ZNF492: variants seen among roughly 807,000 people sequenced by gnomAD.
ZNF492 encodes zinc finger protein 492, also known as zinc finger protein 115 (Y20).
A neutral mutation model predicts 6.4 loss-of-function variants in ZNF492; 3 were observed. That is an observed-to-expected ratio of 0.47 (90% CI 0.21 to 1.22). The LOEUF (loss-of-function observed/expected upper bound fraction) is 1.22. Among genes scored for constraint, ZNF492 ranks in the 50% most tolerant of loss-of-function variants. The probability of loss-of-function intolerance (pLI) is 0.22; values close to 1 mark genes in which losing one functional copy is unlikely to be tolerated. For synonymous variants in ZNF492, 112 were observed against 205.3 expected (o/e 0.55, Z 3.89); for missense variants, 356 against 612.5 (o/e 0.58, Z 4.42).
chr19:22,638,837 C>CT (rs370846531), intron 1 of ZNF492, among the ~76,000 whole-genome samples: 3 of 151,796 alleles, frequency 2.0e-5, no homozygotes, highest in South Asian at 2.1e-4. Context: ...TAATATTGAT[C>CT]TTTTTTTGTT....
At chr19:22,636,557 CGTGT>C (rs1971767510) in intron 1 of ZNF492, among the ~76,000 whole-genome samples, 1 of 120,984 alleles carries the variant, frequency 8.3e-6, no homozygotes, top group African/African-American at 3.1e-5. Context: ...TGTGTGTGTG[CGTGT>C]GTGTATGTGT....
intron 3 of ZNF492, among the ~76,000 whole-genome samples, chr19:22,655,413 TAAATTTGTTCTCAG>T (rs1257270937): frequency 9.2e-5 from 14 of 152,204 alleles, no homozygotes; most frequent in African/African-American, 3.1e-4. Flanking sequence ...GCTCCTTGGT[TAAATTTGTTCTCAG>T]AAATTTATTA....
chr19:22,666,274 T>G lies in ZNF492; in HGVS notation c.*1009T>G, dbSNP rs544725221. On this transcript the variant is annotated 3_prime_UTR_variant, in exon 4 of 4. Coordinates refer to ENST00000456783, the MANE Select transcript of ZNF492 (RefSeq NM_020855.3). ...GGCACGATCTCAGCTCACTGCAACC[T>G]CCGTCTCCAGGGTTCAAGTGATTCT... The G allele has an allele frequency of 5.0e-4, 75 of 148,548 alleles. No homozygotes were observed. Among genetic ancestry groups the G allele is most frequent in the African/African-American group, 1.9e-3 (75 of 40,504 alleles). The allele number at this position is 148,548 out of a possible 1,614,324, so 9.2% of individuals were successfully genotyped here. A position where few individuals can be genotyped will look rare whatever the true frequency, so the allele number is the denominator to read the frequency against.
In ZNF492 at chr19:22,664,898, C is replaced by A. The variant is rs1391741842; in HGVS notation, c.1229C>A (p.Thr410Lys). 1 of 1,609,874 alleles carries A rather than the reference C, an allele frequency of 6.2e-7. No homozygotes were observed. Among genetic ancestry groups the A allele is most frequent in the South Asian group, 1.1e-5 (1 of 90,874 alleles). The change falls in exon 4 of 4, where the codon ACA becomes AAA. Residue 410 changes from threonine to lysine, a missense_variant. Thr to Lys is a moderately conservative substitution (Grantham distance 78). This residue lies in a region of ZNF492 where 21 missense variants were observed against 55.3 expected (regional missense o/e 0.38). Transcript: ENST00000456783. Reference sequence around the variant, plus strand: ...TTTAACCTATCGTCACAACTTACTACACATAAGATAATTCATACTGGAGAG... The same window carrying A: ...TTTAACCTATCGTCACAACTTACTAAACATAAGATAATTCATACTGGAGAG... ...KAFNLSSQLTTHKIIHTGEKP... is the reference protein window; with the variant it reads ...KAFNLSSQLTKHKIIHTGEKP...
At chr19:22,655,294 C>CAAA (rs35079347) in intron 3 of ZNF492, among the ~76,000 whole-genome samples, 77 of 138,652 alleles carry the variant, frequency 5.6e-4, no homozygotes, top group African/African-American at 1.9e-3. Context: ...AACTCCATCT[C>CAAA]AAAAAAAAAA....
At chr19:22,650,592 A>T (rs1971929749) in intron 1 of ZNF492, among the ~76,000 whole-genome samples, 1 of 151,986 alleles carries the variant, frequency 6.6e-6, no homozygotes, top group African/African-American at 2.4e-5. Context: ...GGGAGATCAG[A>T]GTTCTGTCCC....
intron 1 of ZNF492, among the ~76,000 whole-genome samples, chr19:22,635,924 A>G (rs1374596670): frequency 5.9e-5 from 9 of 152,140 alleles, no homozygotes; most frequent in Admixed American, 2.0e-4. Context: ...TACAGCTAAA[A>G]TTGTGTCATG....
intron 3 of ZNF492, among the ~76,000 whole-genome samples, chr19:22,662,029 G>GC (rs1376097617): frequency 2.0e-5 from 3 of 152,048 alleles, no homozygotes; most frequent in Non-Finnish European, 4.4e-5. Context: ...TGCCCAGCGT[G>GC]CAGTTATATT....
chr19:22,650,912 C>A (rs1599398393), intron 1 of ZNF492, among the ~76,000 whole-genome samples: 1 of 152,128 alleles, frequency 6.6e-6, no homozygotes, highest in South Asian at 2.1e-4. Context: ...GCTTAAACAG[C>A]AGGCAGCCAT....
chr19:22,658,558 A>G (rs1972021471), intron 3 of ZNF492, among the ~76,000 whole-genome samples: 1 of 141,976 alleles, frequency 7.0e-6, no homozygotes, highest in South Asian at 2.2e-4. Flanking sequence ...TCTGTTTCTA[A>G]GAGTATAACT....
chr19:22,655,479 T>C (rs1971984933), intron 3 of ZNF492, among the ~76,000 whole-genome samples: 1 of 152,088 alleles, frequency 6.6e-6, no homozygotes, highest in East Asian at 1.9e-4. Context: ...TGTCTCTTTT[T>C]TGTCAGATAG....
Position 22,653,620 on chromosome 19 carries a change from C to CTGA in ZNF492, c.34+189_34+191dup, listed in dbSNP as rs200549023. On this transcript the variant is annotated intron_variant, in intron 2 of 3. Transcript: ENST00000456783. ...GACCTGAACTTTCCACACTCCTGAGCTGATCTGTGTTCTTCACTCTAGATT... is the reference window on the plus strand; with the variant it reads ...GACCTGAACTTTCCACACTCCTGAGCTGATGATCTGTGTTCTTCACTCTAGATT... Among the ~76,000 whole-genome samples, 221 of 152,092 alleles carry CTGA rather than the reference C, an allele frequency of 1.5e-3. 1 individual carries two copies. The East Asian group carries it at 0.035, about 24-fold the overall frequency.
chr19:22,644,038 T>G (rs2145246392), intron 1 of ZNF492, among the ~76,000 whole-genome samples: 1 of 151,480 alleles, frequency 6.6e-6, no homozygotes, highest in African/African-American at 2.4e-5. Context: ...ATCTCTTCTG[T>G]TATAAAGTAC....
At chr19:22,656,934 A>C (rs1223079530) in intron 3 of ZNF492, among the ~76,000 whole-genome samples, 1 of 152,042 alleles carries the variant, frequency 6.6e-6, no homozygotes, top group Admixed American at 6.6e-5. Flanking sequence ...TTCTCATTAC[A>C]GGTTTGAGTC....
chr19:22,652,830 T>C (rs1971955380), intron 1 of ZNF492, among the ~76,000 whole-genome samples: 1 of 152,112 alleles, frequency 6.6e-6, no homozygotes, highest in Admixed American at 6.6e-5. Flanking sequence ...CCACCCGCCT[T>C]AGCCTCCCAA....
intron 1 of ZNF492, among the ~76,000 whole-genome samples, chr19:22,651,142 TG>T (rs1205552053): frequency 6.6e-6 from 1 of 151,974 alleles, no homozygotes; most frequent in Non-Finnish European, 1.5e-5. Flanking sequence ...CTCCCTTGGC[TG>T]GGGGGTGGGG....
At chr19:22,634,622 C>T (rs1372295916) in intron 1 of ZNF492, 148 bp downstream of exon 1, 3 of 909,174 alleles carry the variant, frequency 3.3e-6, no homozygotes, top group Non-Finnish European at 5.0e-6. Flanking sequence ...CCTCAGTCCC[C>T]TTCAGCCATC....
chr19:22,640,287 C>G lies in ZNF492; in HGVS notation c.-94+5813C>G, dbSNP rs763503284. ...AAGCAATTCTCCTGCCTTAGCCTCCCAAGCAGCTGAATTACAGGTGCTTGC... is the reference window on the plus strand; with the variant it reads ...AAGCAATTCTCCTGCCTTAGCCTCCGAAGCAGCTGAATTACAGGTGCTTGC... On this transcript the variant is annotated intron_variant, in intron 1 of 3. Coordinates refer to ENST00000456783, the MANE Select transcript of ZNF492 (RefSeq NM_020855.3). Among the ~76,000 whole-genome samples, 7 of 152,102 alleles carry G rather than the reference C, an allele frequency of 4.6e-5. No individual in the cohort carries two copies. The South Asian group carries it at 1.5e-3, about 32-fold the overall frequency.
intron 1 of ZNF492, 23 bp from the exon 2 acceptor site, chr19:22,653,284 A>G (rs929006003): frequency 1.9e-6 from 3 of 1,609,448 alleles, no homozygotes; most frequent in African/African-American, 1.4e-5. Flanking sequence ...GTAAATATGT[A>G]TGTGTGTTTG....
Sources: allele counts gnomAD v4.1 joint callset (sites outside exome capture counted in the v4.1 genomes callset), GRCh38; gene constraint gnomAD v4.1.1; regional missense constraint gnomAD v4.1.1; transcripts MANE v1.5; gene names NCBI Gene and HGNC (gene_info 2026-07-23, HGNC 2026-07-21).